The following SLC38A9 variants were observed in gnomAD, a reference collection of about 807,000 sequenced individuals.
SLC38A9 encodes the protein neutral amino acid transporter 9.
SLC38A9 carries 48 observed loss-of-function variants against 62.3 expected under a neutral mutation model. The ratio of observed to expected loss-of-function variants is 0.77; its 90% CI spans 0.61 to 0.98. The LOEUF (loss-of-function observed/expected upper bound fraction) is 0.98, where lower values mean the gene tolerates loss of function less well. Ranked by LOEUF, SLC38A9 falls within the 50% of genes least tolerant of loss-of-function variation. The pLI, the probability that SLC38A9 is intolerant of heterozygous loss-of-function variation, is 0.00. For synonymous variants in SLC38A9, 204 were observed against 227.7 expected, an observed-to-expected ratio of 0.90 and a Z score of 0.94; for missense variants, 541 against 679.8, an observed-to-expected ratio of 0.80 and a Z score of 2.27.
At chr5:55,639,983 CTT>C (rs36073153) in intron 12 of SLC38A9, among the ~76,000 whole-genome samples, 3,257 of 98,116 alleles carry the variant, frequency 0.033, 25 homozygotes, top group Middle Eastern at 0.066. Flanking sequence ...TAAACCTTTG[CTT>C]TTTTTTTTTT....
intron 4 of SLC38A9, among the ~76,000 whole-genome samples, chr5:55,671,502 C>CT (rs145470405): frequency 0.013 from 1,945 of 144,354 alleles, 126 homozygotes; most frequent in African/African-American, 0.036. Context: ...GTTTCCCATT[C>CT]TTCTTTTTTT....
At chr5:55,629,570 A>G (rs1743060618) in intron 14 of SLC38A9, among the ~76,000 whole-genome samples, 1 of 152,142 alleles carries the variant, frequency 6.6e-6, no homozygotes, top group Admixed American at 6.6e-5. Flanking sequence ...AGTCTTGAGG[A>G]AAAGTACCTG....
At position 55,635,277 on chromosome 5, in the gene SLC38A9, A is replaced by T. The variant is rs532871769; in HGVS notation, c.1281+267T>A. The T allele has an allele frequency of 9.9e-5, 48 of 486,178 alleles. 1 individual carries two copies. Among genetic ancestry groups the T allele is most frequent in the South Asian group, 9.8e-4 (45 of 45,952 alleles). The allele number at this position is 486,178 out of a possible 1,614,324, so 30.1% of individuals were successfully genotyped here. A position where few individuals can be genotyped will look rare whatever the true frequency, so the allele number is the denominator to read the frequency against. On this transcript the variant is annotated intron_variant, in intron 13 of 15. Coordinates refer to ENST00000396865, the MANE Select transcript of SLC38A9 (RefSeq NM_173514.4). ...CATAATAGTAGACATTTATTTGAGT[A>T]CCACAAGGTGCCTGGCATGTAGTAC...
At chr5:55,640,494 T>C (rs546719751) in intron 12 of SLC38A9, among the ~76,000 whole-genome samples, 1 of 152,266 alleles carries the variant, frequency 6.6e-6, no homozygotes, top group South Asian at 2.1e-4. Flanking sequence ...GGCAAAGACA[T>C]GTCCTCAGTC....
At position 55,633,866 on chromosome 5, in the gene SLC38A9, A is replaced by G. The variant is rs149447829; in HGVS notation, c.1318T>C (p.Ser440Pro). The change falls in exon 14 of 16, where the codon TCC becomes CCC. Residue 440 changes from serine (S) to proline (P), a missense_variant. Physicochemically the swap from Ser to Pro is moderately conservative, Grantham distance 74. Transcript: ENST00000396865. ...AGCAGGAATATCCTTGCAATGAAGG[A>G]CAGGGTGTCACTGCTAGGGAAGTTG... is the stretch of plus-strand genomic sequence containing the variant. The part of the protein sequence containing the change: ...LDNFPSSDTL[S>P]FIARIFLLFQ... 3,145 of 1,612,510 alleles carry G rather than the reference A, an allele frequency of 2.0e-3. 4 individuals are homozygous for G. The highest frequency in any genetic ancestry group is 2.5e-3 in the Non-Finnish European group (2,913 of 1,179,466).
At chr5:55,664,094 T>G (rs1164952806) in intron 8 of SLC38A9, among the ~76,000 whole-genome samples, 1 of 150,600 alleles carries the variant, frequency 6.6e-6, no homozygotes, top group East Asian at 1.9e-4. Context: ...AGCCCAGGAG[T>G]TTGAGACCAG....
chr5:55,692,994 T>G, intron 3 of SLC38A9: 1 of 984,216 alleles, frequency 1.0e-6, no homozygotes, highest in Non-Finnish European at 1.2e-6. Flanking sequence ...AAAACTTAAG[T>G]ATGTGCGAAT....
intron 3 of SLC38A9, among the ~76,000 whole-genome samples, chr5:55,683,492 T>C (rs1436534509): frequency 2.0e-5 from 3 of 152,260 alleles, no homozygotes; most frequent in African/African-American, 7.2e-5. Flanking sequence ...GCACATTGTC[T>C]ACATTTAAGA....
At chr5:55,636,394 A>T (rs1031144595) in intron 12 of SLC38A9, among the ~76,000 whole-genome samples, 2 of 152,226 alleles carry the variant, frequency 1.3e-5, no homozygotes, top group Non-Finnish European at 2.9e-5. Flanking sequence ...TAATGTAGCC[A>T]GCTGTCAGAT....
In SLC38A9 at chr5:55,627,896, GAT is replaced by G. The variant is rs1483020460; in HGVS notation, c.1513_1514del (p.Ile505HisfsTer35). The part of the protein sequence containing the change: ...MACFYPNIGG[I>X]IRYSGAACGL... ...ATTCCCTTACAAGGCAGTACCTTATGATCCCTCCTATGTTTGGGTAGAAACAG... is the reference window on the plus strand; with the variant it reads ...ATTCCCTTACAAGGCAGTACCTTATGCCCTCCTATGTTTGGGTAGAAACAG... On this transcript the variant is annotated frameshift_variant, in exon 15 of 16. Coordinates refer to ENST00000396865, the MANE Select transcript of SLC38A9 (RefSeq NM_173514.4). LOFTEE classifies it high-confidence loss of function. The G allele has an allele frequency of 6.2e-7, 1 of 1,602,448 alleles. No individual in the cohort carries two copies. Among genetic ancestry groups the G allele is most frequent in the East Asian group, 2.2e-5 (1 of 44,796 alleles).
In SLC38A9 at chr5:55,669,387, T is replaced by C. The variant is rs541508389; in HGVS notation, c.433-66A>G. On this transcript the variant is annotated intron_variant, in intron 6 of 15. Coordinates refer to ENST00000396865, the MANE Select transcript of SLC38A9 (RefSeq NM_173514.4). Reference sequence around the variant, plus strand: ...GTAAGCATAAATTCATATGCAATTATTTTACCCTAAACAATCATGATAAAA... The same window carrying C: ...GTAAGCATAAATTCATATGCAATTACTTTACCCTAAACAATCATGATAAAA... The C allele has an allele frequency of 1.8e-3, 2,519 of 1,422,374 alleles. 16 individuals carry two copies. The highest frequency in any genetic ancestry group is 0.011 in the Middle Eastern group (59 of 5,582). The allele number at this position is 1,422,374 out of a possible 1,614,324, so 88.1% of individuals were successfully genotyped here. A position where few individuals can be genotyped will look rare whatever the true frequency, so the allele number is the denominator to read the frequency against.
chr5:55,645,685 A>C, intron 12 of SLC38A9, 104 bp downstream of exon 12: 1 of 780,068 alleles, frequency 1.3e-6, no homozygotes, highest in Non-Finnish European at 2.1e-6. Flanking sequence ...AGATCTTGTA[A>C]CAAAATTGCC....
At chr5:55,688,616 G>A (rs1198937622) in intron 3 of SLC38A9, among the ~76,000 whole-genome samples, 2 of 151,432 alleles carry the variant, frequency 1.3e-5, no homozygotes, top group Non-Finnish European at 1.5e-5. Flanking sequence ...TCCTGACCTC[G>A]TGATCCGCCC....
At chr5:55,639,181 G>T (rs1744981546) in intron 12 of SLC38A9, among the ~76,000 whole-genome samples, 1 of 151,104 alleles carries the variant, frequency 6.6e-6, no homozygotes, top group Non-Finnish European at 1.5e-5. Context: ...GCTGAGGCAG[G>T]AGAACTGCTT....
chr5:55,628,761 A>T (rs527286137), intron 14 of SLC38A9, among the ~76,000 whole-genome samples: 1 of 152,212 alleles, frequency 6.6e-6, no homozygotes, highest in Non-Finnish European at 1.5e-5. Context: ...GAGAATATTT[A>T]CTAAATACTT....
At chr5:55,689,130 C>T (rs1338649947) in intron 3 of SLC38A9, among the ~76,000 whole-genome samples, 1 of 151,998 alleles carries the variant, frequency 6.6e-6, no homozygotes, top group Admixed American at 6.5e-5. Context: ...CCAAGATAAA[C>T]TATAAACTAC....
In SLC38A9 at chr5:55,684,778, C is replaced by A. The variant is rs191137787; in HGVS notation, c.114-12083G>T. Among the ~76,000 whole-genome samples, 934 of 152,216 alleles carry A rather than the reference C, an allele frequency of 6.1e-3. 10 individuals are homozygous for A. Among genetic ancestry groups the A allele is most frequent in the African/African-American group, 0.022 (905 of 41,516 alleles). On this transcript the variant is annotated intron_variant, in intron 3 of 15. Coordinates refer to ENST00000396865, the MANE Select transcript of SLC38A9 (RefSeq NM_173514.4). Reference sequence around the variant, plus strand: ...AAGCGATTCTCCTGCCTCAGCCTCCCGAGTAGCTGGGATTACAGGCGCCTG... The same window carrying A: ...AAGCGATTCTCCTGCCTCAGCCTCCAGAGTAGCTGGGATTACAGGCGCCTG...
At chr5:55,683,587 A>G (rs778264841) in intron 3 of SLC38A9, among the ~76,000 whole-genome samples, 4 of 152,188 alleles carry the variant, frequency 2.6e-5, no homozygotes, top group Non-Finnish European at 5.9e-5. Context: ...AGACACATAT[A>G]TGTACACACA....
intron 3 of SLC38A9, among the ~76,000 whole-genome samples, chr5:55,688,592 G>C (rs373147951): frequency 1.6e-4 from 24 of 152,034 alleles, no homozygotes; most frequent in African/African-American, 5.8e-4. Flanking sequence ...GTGTTAGCCA[G>C]GATGGTCTCG....
Sources: gnomAD v4.1 joint callset for allele counts (sites outside exome capture counted in the v4.1 genomes callset) on GRCh38, gnomAD v4.1.1 for gene constraint, MANE v1.5 for transcripts, NCBI Gene and HGNC (gene_info 2026-07-23, HGNC 2026-07-21) for gene names.